Variants in CD226 observed in about 807,000 individuals in gnomAD.
The protein encoded by CD226 is CD226 antigen.
In CD226, 24 loss-of-function variants were observed where a neutral mutation model predicts 34.9. The ratio of observed to expected loss-of-function variants is 0.69; its 90% confidence interval spans 0.50 to 0.97. CD226 has a LOEUF of 0.97. CD226 is among the 50% of genes least tolerant of loss of function. The pLI is 0.00. For missense variants in CD226, 397 were observed against 412.7 expected, an observed-to-expected ratio of 0.96 and a Z score of 0.33; for synonymous variants, 148 against 147.4, an observed-to-expected ratio of 1.00 and a Z score of -0.03.
chr18:69,857,672 GGCAATACAAC>G lies in CD226; in HGVS notation c.*6632_*6641del, dbSNP rs1490516688. 1 of 152,122 alleles carries G rather than the reference GGCAATACAAC, an allele frequency of 6.6e-6. No individual in the cohort carries two copies. 9.4% of individuals were successfully genotyped at this position (152,122 alleles called of 1,614,324 possible). A position where few individuals can be genotyped will look rare whatever the true frequency, so the allele number is the denominator to read the frequency against. ...TTTTTATGTCTTACAAATATGGCTG[GGCAATACAAC>G]ACAAGGCTTCCTTTTCAGGAATTTG... On this transcript the variant is annotated 3_prime_UTR_variant, in exon 6 of 6. Coordinates refer to ENST00000582621, the MANE Select transcript of CD226 (RefSeq NM_001303618.2).
chr18:69,908,639 G>T (rs2055285473), intron 2 of CD226, among the ~76,000 whole-genome samples: 1 of 151,402 alleles, frequency 6.6e-6, no homozygotes, highest in Admixed American at 6.6e-5. Context: ...AATTCATATT[G>T]CATCAAAGAC....
chr18:69,947,426 G>A lies in CD226; in HGVS notation c.-20C>T, dbSNP rs757886128. ...ATCCATCTCTGGAAACTGTTTGAAA[G>A]GCTGGTTCTATTAAAAAAAAAAATT... On this transcript the variant is annotated 5_prime_UTR_variant, in exon 1 of 6. Coordinates refer to ENST00000582621, the MANE Select transcript of CD226 (RefSeq NM_001303618.2). 2.1e-5 allele frequency: 32 copies of A among 1,542,664 alleles called. No homozygotes were observed. The African/African-American group carries it at 4.5e-4, about 22-fold the overall frequency.
intron 1 of CD226, among the ~76,000 whole-genome samples, chr18:69,955,679 C>A (rs1050041770): frequency 4.6e-5 from 7 of 151,934 alleles, no homozygotes; most frequent in African/African-American, 1.7e-4. Flanking sequence ...GTGGCTAACA[C>A]GGTGAAACCA....
intron 2 of CD226, among the ~76,000 whole-genome samples, chr18:69,936,201 C>T (rs746152832): frequency 4.7e-5 from 7 of 148,018 alleles, no homozygotes; most frequent in Non-Finnish European, 1.0e-4. Context: ...TTAGTATTAT[C>T]TGGCTTTAGA....
chr18:69,879,254 G>A (rs758994053), intron 3 of CD226, among the ~76,000 whole-genome samples: 15 of 152,102 alleles, frequency 9.9e-5, no homozygotes, highest in South Asian at 2.1e-4. Context: ...ACTAGAATTC[G>A]CCAGGCTGGA....
At chr18:69,950,863 C>T (rs146501783), upstream of CD226, among the ~76,000 whole-genome samples, 74 of 152,242 alleles carry the variant, frequency 4.9e-4, no homozygotes, top group Non-Finnish European at 8.2e-4. Context: ...ACCCATTTCA[C>T]TTTCCTCACT....
chr18:69,909,312 C>A (rs2055295585), intron 2 of CD226, among the ~76,000 whole-genome samples: 1 of 152,092 alleles, frequency 6.6e-6, no homozygotes, highest in Admixed American at 6.6e-5. Context: ...CAGTCCAGGC[C>A]CTACATGAGT....
intron 3 of CD226, among the ~76,000 whole-genome samples, chr18:69,874,705 A>G (rs1983754603): frequency 6.6e-6 from 1 of 152,238 alleles, no homozygotes; most frequent in African/African-American, 2.4e-5. Context: ...ATAAGAACTC[A>G]AAGTATAGAC....
At position 69,891,017 on chromosome 18, in the gene CD226, C is replaced by CAAAA. The variant is rs60491291; in HGVS notation, c.727+4680_727+4683dup. Among the ~76,000 whole-genome samples the CAAAA allele has an allele frequency of 1.1e-3, 124 of 110,852 alleles. 5 individuals carry two copies. Among genetic ancestry groups the CAAAA allele is most frequent in the South Asian group, 6.6e-3 (22 of 3,338 alleles). 72.7% of individuals were successfully genotyped at this position (110,852 alleles called of 152,430 possible). A position where few individuals can be genotyped will look rare whatever the true frequency, so the allele number is the denominator to read the frequency against. On this transcript the variant is annotated intron_variant, in intron 3 of 5. Coordinates refer to ENST00000582621, the MANE Select transcript of CD226 (RefSeq NM_001303618.2). ...ATACCAAAACCAGACAAAGACACCA[C>CAAAA]AAAAAAAAAAAAAAAACCTACAGGC...
At chr18:69,905,122 T>C (rs939389171) in intron 2 of CD226, among the ~76,000 whole-genome samples, 1 of 152,154 alleles carries the variant, frequency 6.6e-6, no homozygotes, top group African/African-American at 2.4e-5. Flanking sequence ...CATTCTTACC[T>C]AGGCAGGGCG....
Position 69,861,190 on chromosome 18 carries a change from A to C in CD226, c.*3124T>G, listed in dbSNP as rs1309429740. The C allele has an allele frequency of 3.3e-5, 5 of 152,052 alleles. No homozygotes were observed. Among genetic ancestry groups the C allele is most frequent in the African/African-American group, 1.2e-4 (5 of 41,452 alleles). 9.4% of individuals were successfully genotyped at this position (152,052 alleles called of 1,614,324 possible). On this transcript the variant is annotated 3_prime_UTR_variant, in exon 6 of 6. Transcript: ENST00000582621. ...ATTTTAGTAATACACTGAATTACTTAAAACATAAATTGGAGTTTTTACTAA... is the reference window on the plus strand; with the variant it reads ...ATTTTAGTAATACACTGAATTACTTCAAACATAAATTGGAGTTTTTACTAA...
At chr18:69,925,169 C>T (rs565292748) in intron 2 of CD226, among the ~76,000 whole-genome samples, 2 of 152,308 alleles carry the variant, frequency 1.3e-5, no homozygotes, top group Admixed American at 1.3e-4. Context: ...GGCCACCATG[C>T]TTCAGAATGA....
chr18:69,893,783 C>A (rs1179528609), intron 3 of CD226, among the ~76,000 whole-genome samples: 1 of 152,214 alleles, frequency 6.6e-6, no homozygotes, highest in Non-Finnish European at 1.5e-5. Flanking sequence ...TGTCTCACCA[C>A]AGTTCCTAGA....
chr18:69,929,091 T>G (rs2055558224), intron 2 of CD226, among the ~76,000 whole-genome samples: 1 of 151,684 alleles, frequency 6.6e-6, no homozygotes. Context: ...TAGGGAAGAG[T>G]GGGGATTGTG....
rs538714057 is a variant in CD226 at position 69,868,482 on chromosome 18, C to T, written c.831-1071G>A. On this transcript the variant is annotated intron_variant, in intron 4 of 5. Transcript: ENST00000582621. ...CTCCTATCATGTCAATATAATCTTA[C>T]CTTATTCTATGTGCATTTATTTTCT... Among the ~76,000 whole-genome samples the T allele has an allele frequency of 5.3e-5, 8 of 152,224 alleles. 1 individual carries two copies. In the South Asian group the frequency reaches 1.7e-3, roughly 32 times the overall value.
At chr18:69,906,499 T>C (rs1401791117) in intron 2 of CD226, among the ~76,000 whole-genome samples, 1 of 152,024 alleles carries the variant, frequency 6.6e-6, no homozygotes, top group East Asian at 1.9e-4. Context: ...CCTCTGGTCT[T>C]GCTCAGCGCT....
chr18:69,878,493 A>G (rs1984014311), intron 3 of CD226, among the ~76,000 whole-genome samples: 1 of 151,878 alleles, frequency 6.6e-6, no homozygotes, highest in Non-Finnish European at 1.5e-5. Context: ...TCGGCAGGCA[A>G]GAGTGGCCAT....
At chr18:69,905,368 T>C (rs1000094213) in intron 2 of CD226, among the ~76,000 whole-genome samples, 5 of 152,186 alleles carry the variant, frequency 3.3e-5, no homozygotes, top group Non-Finnish European at 7.4e-5. Context: ...ACCAACACAT[T>C]AGTGTGAAAT....
chr18:69,881,317 G>T (rs1420837849), intron 3 of CD226, among the ~76,000 whole-genome samples: 1 of 152,128 alleles, frequency 6.6e-6, no homozygotes, highest in African/African-American at 2.4e-5. Context: ...ACAAAGTTTT[G>T]ACCTTCTATA....
Sources: allele counts gnomAD v4.1 joint callset (sites outside exome capture counted in the v4.1 genomes callset), GRCh38; gene constraint gnomAD v4.1.1; transcripts MANE v1.5; gene names NCBI Gene and HGNC (gene_info 2026-07-23, HGNC 2026-07-21).